Variants in SMIM14 observed in about 807,000 individuals in gnomAD.
SMIM14 encodes chromosome 4 open reading frame 34.
Under a neutral mutation model 12.6 loss-of-function variants are expected in SMIM14, and 5 were observed. The observed-to-expected ratio is 0.40, with a 90% CI of 0.21 to 0.83. The LOEUF is 0.83. Ranked by LOEUF, SMIM14 falls within the 40% of genes least tolerant of loss-of-function variation. The probability of loss-of-function intolerance (pLI) is 0.37; values close to 1 mark genes in which losing one functional copy is unlikely to be tolerated. For synonymous variants in SMIM14, 30 were observed against 40.1 expected, an observed-to-expected ratio of 0.75 and a Z score of 0.95; for missense variants, 86 against 119.1, an observed-to-expected ratio of 0.72 and a Z score of 1.29.
intron 1 of SMIM14, among the ~76,000 whole-genome samples, chr4:39,624,540 T>A (rs1715616873): frequency 6.6e-6 from 1 of 152,086 alleles, no homozygotes; most frequent in Admixed American, 6.6e-5. Flanking sequence ...TCCTATTAGT[T>A]TGGCCAGGCG....
rs777620115 is a variant in SMIM14 at position 39,572,398 on chromosome 4, GTC to G, written c.124+15_124+16del. On this transcript the variant is annotated intron_variant, in intron 3 of 4. Transcript: ENST00000295958. ...TGCCCCCAATGCCATCCTTCCTCCT[GTC>G]TCAGTGGTACTTACATTCCTGAAGA... The G allele has an allele frequency of 2.6e-6, 4 of 1,562,034 alleles. No individual in the cohort carries two copies. The African/African-American group carries it at 5.7e-5, about 22-fold the overall frequency.
chr4:39,620,456 G>A (rs2110073883), intron 1 of SMIM14, among the ~76,000 whole-genome samples: 1 of 152,130 alleles, frequency 6.6e-6, no homozygotes, highest in South Asian at 2.1e-4. Context: ...CTCCATCCTG[G>A]GCGAGAGAGA....
intron 1 of SMIM14, among the ~76,000 whole-genome samples, chr4:39,619,504 C>A (rs866241099): frequency 7.7e-5 from 6 of 78,280 alleles, no homozygotes; most frequent in African/African-American, 2.8e-4. Flanking sequence ...ATAATTTATT[C>A]TATATCAATA....
intron 1 of SMIM14, among the ~76,000 whole-genome samples, chr4:39,625,465 G>T (rs970935791): frequency 6.6e-6 from 1 of 151,224 alleles, no homozygotes; most frequent in Non-Finnish European, 1.5e-5. Flanking sequence ...TTTTTGAGAC[G>T]GAGTCTTGCT....
chr4:39,638,596 G>GCCGAGGAAACGCCAAGC, intron 1 of SMIM14, 143 bp downstream of exon 1: 1 of 978,616 alleles, frequency 1.0e-6, no homozygotes, highest in Non-Finnish European at 1.2e-6. Flanking sequence ...CGCCAGCCCG[G>GCCGAGGAAACGCCAAGC]CCGAGGAAAC....
intron 2 of SMIM14, chr4:39,592,687 T>G (rs891386255): frequency 1.3e-5 from 2 of 151,988 alleles, no homozygotes; most frequent in African/African-American, 4.8e-5. Context: ...GAGAGAAGAA[T>G]CAAATAGACG....
intron 1 of SMIM14, among the ~76,000 whole-genome samples, chr4:39,615,664 T>C (rs1426700052): frequency 6.6e-6 from 1 of 152,170 alleles, no homozygotes; most frequent in Non-Finnish European, 1.5e-5. Context: ...TCAATTTTCC[T>C]GTGAACCTAA....
At chr4:39,561,214 A>T (rs543334213) in intron 3 of SMIM14, among the ~76,000 whole-genome samples, 2 of 152,284 alleles carry the variant, frequency 1.3e-5, no homozygotes, top group South Asian at 4.1e-4. Flanking sequence ...ATTTCCTTTG[A>T]GCATCATGTC....
At chr4:39,634,075 C>T (rs558814134) in intron 1 of SMIM14, among the ~76,000 whole-genome samples, 12 of 152,240 alleles carry the variant, frequency 7.9e-5, no homozygotes, top group Non-Finnish European at 1.0e-4. Flanking sequence ...ATTACAGGCG[C>T]GCATGACCAC....
intron 2 of SMIM14, among the ~76,000 whole-genome samples, chr4:39,584,521 C>T (rs1369098273): frequency 3.5e-5 from 3 of 86,506 alleles, no homozygotes; most frequent in East Asian, 3.1e-4. Flanking sequence ...ACAGGCTGGG[C>T]GCAGTGGCTC....
At chr4:39,590,318 C>A (rs1396421461) in intron 2 of SMIM14, among the ~76,000 whole-genome samples, 1 of 149,874 alleles carries the variant, frequency 6.7e-6, no homozygotes, top group Non-Finnish European at 1.5e-5. Context: ...GAGGCTGAGG[C>A]AGGAGAATTG....
chr4:39,593,019 T>C (rs372817678), intron 2 of SMIM14: 3 of 151,462 alleles, frequency 2.0e-5, no homozygotes, highest in Non-Finnish European at 3.0e-5. Context: ...TTCCAATCAA[T>C]AGAAAAAGAG....
At chr4:39,625,032 C>CTTGTTTTG (rs1715638211) in intron 1 of SMIM14, among the ~76,000 whole-genome samples, 1 of 150,524 alleles carries the variant, frequency 6.6e-6, no homozygotes, top group African/African-American at 2.4e-5. Context: ...AGATGAAACC[C>CTTGTTTTG]CATCTCTACT....
At chr4:39,611,822 T>C (rs1489555938) in intron 1 of SMIM14, 1 of 152,120 alleles carries the variant, frequency 6.6e-6, no homozygotes, top group East Asian at 1.9e-4. Flanking sequence ...ATACAATGAG[T>C]ACATGAGATC....
In SMIM14 at chr4:39,551,282, A is replaced by T. The variant is rs1711689604; in HGVS notation, c.*844T>A. On this transcript the variant is annotated 3_prime_UTR_variant, in exon 5 of 5. Coordinates refer to ENST00000295958, the MANE Select transcript of SMIM14 (RefSeq NM_174921.3). ...CCCAAGAGGCACTCATTTTAAAAATAAATTATAGCTTAAATTATTACTATG... is the reference window on the plus strand; with the variant it reads ...CCCAAGAGGCACTCATTTTAAAAATTAATTATAGCTTAAATTATTACTATG... 6.6e-6 allele frequency: 1 copy of T among 152,574 alleles called. No individual in the cohort carries two copies. The highest frequency in any genetic ancestry group is 2.4e-5 in the African/African-American group (1 of 41,466). The allele number at this position is 152,574 out of a possible 1,614,324, so 9.5% of individuals were successfully genotyped here.
chr4:39,560,950 G>A (rs1265567170), intron 3 of SMIM14, among the ~76,000 whole-genome samples: 2 of 151,962 alleles, frequency 1.3e-5, no homozygotes, highest in Non-Finnish European at 2.9e-5. Flanking sequence ...CCTCTTATCT[G>A]GTCTATTGCA....
chr4:39,599,432 G>C (rs972923058), intron 2 of SMIM14, among the ~76,000 whole-genome samples: 14 of 152,072 alleles, frequency 9.2e-5, no homozygotes, highest in African/African-American at 2.9e-4. Flanking sequence ...GCTGTAGTGA[G>C]ACTAAACTTG....
intron 1 of SMIM14, among the ~76,000 whole-genome samples, chr4:39,611,338 T>C (rs1053930748): frequency 4.6e-5 from 7 of 152,078 alleles, no homozygotes; most frequent in Non-Finnish European, 7.3e-5. Context: ...AAACCCCGTC[T>C]CTACTAAAAA....
chr4:39,555,785 TAGGAC>T (rs1173540743), intron 4 of SMIM14, among the ~76,000 whole-genome samples: 1 of 151,914 alleles, frequency 6.6e-6, no homozygotes, highest in African/African-American at 2.4e-5. Flanking sequence ...ACTGAATAGC[TAGGAC>T]AGAAGGGGGT....
Sources: gnomAD v4.1 joint callset for allele counts (sites outside exome capture counted in the v4.1 genomes callset) on GRCh38, gnomAD v4.1.1 for gene constraint, MANE v1.5 for transcripts, NCBI Gene and HGNC (gene_info 2026-07-23, HGNC 2026-07-21) for gene names.